Variants in TG observed in about 807,000 individuals in gnomAD.
The protein encoded by TG is thyroid hormones.
Under a neutral mutation model 324.7 loss-of-function variants are expected in TG, and 270 were observed. The ratio of observed to expected loss-of-function variants is 0.83; its 90% CI spans 0.75 to 0.92. TG has a LOEUF of 0.92. Among genes scored for constraint, TG ranks in the 40% least tolerant of loss-of-function variants. The pLI, the probability that TG is intolerant of heterozygous loss-of-function variation, is 0.00. For missense variants in TG, 3,591 were observed against 3,456.4 expected (o/e 1.04, Z -0.98); for synonymous variants, 1,401 against 1,327.0 (o/e 1.06, Z -1.21).
At chr8:133,093,124 C>G (rs1285121898) in intron 41 of TG, among the ~76,000 whole-genome samples, 64 of 71,892 alleles carry the variant, frequency 8.9e-4, no homozygotes, top group South Asian at 1.7e-3. Flanking sequence ...TGTGTGTTTT[C>G]TTTTCTTTTC....
chr8:132,961,376 T>C (rs768149891), intron 28 of TG, among the ~76,000 whole-genome samples: 13 of 152,144 alleles, frequency 8.5e-5, no homozygotes, highest in Non-Finnish European at 1.8e-4. Flanking sequence ...TTCAGGGCCA[T>C]TGCAAAGCAC....
intron 25 of TG, 110 bp from the exon 26 acceptor site, chr8:132,941,241 T>A: frequency 7.6e-7 from 1 of 1,321,678 alleles, no homozygotes; most frequent in Non-Finnish European, 1.1e-6. Context: ...ACACGCTGCC[T>A]GGAGCACTGT....
intron 26 of TG, among the ~76,000 whole-genome samples, chr8:132,948,514 T>C (rs560879773): frequency 2.6e-4 from 40 of 152,194 alleles, no homozygotes; most frequent in African/African-American, 8.2e-4. Context: ...ATGGATGCCA[T>C]GAAGGAAAGC....
At chr8:133,107,994 T>C (rs1299444310) in intron 43 of TG, among the ~76,000 whole-genome samples, 4 of 88,518 alleles carry the variant, frequency 4.5e-5, no homozygotes, top group African/African-American at 2.0e-4. Flanking sequence ...TTTTTTTTTT[T>C]TTTTTTTGAG....
At chr8:132,908,448 AT>A in intron 18 of TG, 108 bp downstream of exon 18, 2 of 280,542 alleles carry the variant, frequency 7.1e-6, no homozygotes, top group Non-Finnish European at 6.2e-6. Flanking sequence ...CAGGGGCCCC[AT>A]CTTCAAGTGT....
Position 132,893,692 on chromosome 8 carries a change from C to T in TG, c.2764C>T (p.Pro922Ser), listed in dbSNP as rs771299525. Residue 922 changes from proline to serine, a missense_variant and splice_region_variant, in exon 11 of 48, where the codon CCT becomes TCT. Pro to Ser is a moderately conservative substitution (Grantham distance 74). Coordinates refer to ENST00000220616, the MANE Select transcript of TG (RefSeq NM_003235.5). ...CTGTGTTATTTTTATTCCCCTAGGT[C>T]CTGGCTCCTGTGAGGAAGCAAAGCT... The part of the protein sequence containing the change: ...RSEPSKLPTC[P>S]GSCEEAKLRV... The T allele has an allele frequency of 6.2e-7, 1 of 1,613,638 alleles. No homozygotes were observed. Among genetic ancestry groups the T allele is most frequent in the South Asian group, 1.1e-5 (1 of 91,040 alleles).
chr8:132,908,761 A>G (rs1057022011), intron 18 of TG, among the ~76,000 whole-genome samples: 14 of 152,142 alleles, frequency 9.2e-5, no homozygotes, highest in South Asian at 6.2e-4. Context: ...AGGGGAAATA[A>G]AGCAGGTCGG....
intron 41 of TG, chr8:133,047,938 G>C: frequency 6.3e-7 from 1 of 1,580,772 alleles, no homozygotes; most frequent in Non-Finnish European, 8.7e-7. Context: ...AGCCAGCTGG[G>C]AAGGAGGAAG....
chr8:133,058,123 A>G (rs1036678311), intron 41 of TG, among the ~76,000 whole-genome samples: 2 of 152,236 alleles, frequency 1.3e-5, no homozygotes, highest in Non-Finnish European at 2.9e-5. Context: ...GACCCTGTGC[A>G]TGAGGCAGAT....
At chr8:132,875,628 G>A (rs1262918101) in intron 5 of TG, among the ~76,000 whole-genome samples, 2 of 152,238 alleles carry the variant, frequency 1.3e-5, no homozygotes, top group Non-Finnish European at 2.9e-5. Flanking sequence ...CACTGAGGTT[G>A]AGGCACAATT....
intron 28 of TG, among the ~76,000 whole-genome samples, chr8:132,961,392 G>T (rs1827742147): frequency 1.3e-5 from 2 of 152,186 alleles, no homozygotes. Flanking sequence ...AGCACAGGAG[G>T]CATTTGTCCA....
intron 15 of TG, 42 bp downstream of exon 15, chr8:132,900,381 G>A (rs1241457991): frequency 5.1e-6 from 8 of 1,560,630 alleles, no homozygotes; most frequent in Non-Finnish European, 5.2e-6. Context: ...CACCTCTTCT[G>A]TGGGGCACTG....
At chr8:133,058,073 G>A (rs1022336824) in intron 41 of TG, among the ~76,000 whole-genome samples, 6 of 152,228 alleles carry the variant, frequency 3.9e-5, no homozygotes, top group Non-Finnish European at 7.3e-5. Context: ...AGCAGCCATA[G>A]GAGCTTGAGC....
chr8:132,902,585 T>C (rs553210460), intron 16 of TG, among the ~76,000 whole-genome samples: 1 of 152,326 alleles, frequency 6.6e-6, no homozygotes, highest in Non-Finnish European at 1.5e-5. Context: ...CTTGACTCTC[T>C]ATCATCTGCT....
intron 29 of TG, chr8:132,964,937 T>C (rs1828329665): frequency 1.4e-6 from 1 of 702,200 alleles, no homozygotes; most frequent in African/African-American, 1.7e-5. Context: ...CTCCCAGGTA[T>C]ACCTGAGAAA....
intron 40 of TG, among the ~76,000 whole-genome samples, chr8:133,024,353 TC>T (rs1835850717): frequency 2.4e-5 from 3 of 125,876 alleles, no homozygotes; most frequent in Non-Finnish European, 5.0e-5. Flanking sequence ...TTTCTTTCTT[TC>T]TTTCTTTCTT....
At chr8:132,875,136 A>C (rs1839843323) in intron 5 of TG, among the ~76,000 whole-genome samples, 2 of 152,168 alleles carry the variant, frequency 1.3e-5, no homozygotes. Context: ...CTATGAAACC[A>C]TGGGTGCAAA....
At chr8:133,118,776 G>A (rs895406552) in intron 45 of TG, among the ~76,000 whole-genome samples, 15 of 152,128 alleles carry the variant, frequency 9.9e-5, no homozygotes, top group Non-Finnish European at 1.5e-4. Context: ...AGTGGCCCCC[G>A]AAAGATATCA....
chr8:133,000,616 G>A (rs138171062), intron 35 of TG, among the ~76,000 whole-genome samples: 105 of 152,312 alleles, frequency 6.9e-4, no homozygotes, highest in African/African-American at 2.2e-3. Flanking sequence ...AGACAGCTGC[G>A]TGTGGATGGA....
Sources: gnomAD v4.1 joint callset for allele counts (sites outside exome capture counted in the v4.1 genomes callset) on GRCh38, gnomAD v4.1.1 for gene constraint, MANE v1.5 for transcripts, NCBI Gene and HGNC (gene_info 2026-07-23, HGNC 2026-07-21) for gene names.